The following LIMCH1 variants were observed in gnomAD, a reference collection of about 807,000 sequenced individuals.
The protein encoded by LIMCH1 is LIM and calponin homology domains 1, also known as LIM and calponin homology domains-containing protein 1.
Under a neutral mutation model 176.5 loss-of-function variants are expected in LIMCH1, and 113 were observed. That is an observed-to-expected ratio of 0.64 (90% CI 0.55 to 0.75). The LOEUF (loss-of-function observed/expected upper bound fraction) is 0.75, where lower values mean the gene tolerates loss of function less well. Among genes scored for constraint, LIMCH1 ranks in the 30% least tolerant of loss-of-function variants. The probability of loss-of-function intolerance (pLI) is 0.00; values close to 1 mark genes in which losing one functional copy is unlikely to be tolerated. For missense variants in LIMCH1, 1,674 were observed against 1,814.9 expected, an observed-to-expected ratio of 0.92 and a Z score of 1.41; for synonymous variants, 619 against 645.9, an observed-to-expected ratio of 0.96 and a Z score of 0.63.
At chr4:41,640,619 G>T (rs1017598758) in intron 14 of LIMCH1, among the ~76,000 whole-genome samples, 2 of 152,190 alleles carry the variant, frequency 1.3e-5, no homozygotes, top group Non-Finnish European at 2.9e-5. Flanking sequence ...GCTTAGAGCA[G>T]ATACAATTTA....
chr4:41,587,943 T>C (rs1278683773), intron 1 of LIMCH1, among the ~76,000 whole-genome samples: 2 of 152,160 alleles, frequency 1.3e-5, no homozygotes, highest in Non-Finnish European at 2.9e-5. Flanking sequence ...TTTTGTTTTA[T>C]TATTATTATA....
At chr4:41,687,441 CA>C (rs1310868348) in intron 28 of LIMCH1, among the ~76,000 whole-genome samples, 3 of 152,204 alleles carry the variant, frequency 2.0e-5, no homozygotes, top group Non-Finnish European at 4.4e-5. Flanking sequence ...GATCCCTCCT[CA>C]TCTTTCCCCT....
intron 1 of LIMCH1, among the ~76,000 whole-genome samples, chr4:41,463,845 C>T (rs1308682056): frequency 7.9e-5 from 12 of 152,004 alleles, no homozygotes; most frequent in African/African-American, 2.9e-4. Context: ...TCCCAAAGTG[C>T]TAGGATTACA....
At chr4:41,634,764 T>A in intron 13 of LIMCH1, among the ~76,000 whole-genome samples, 1 of 152,168 alleles carries the variant, frequency 6.6e-6, no homozygotes, top group East Asian at 1.9e-4. Context: ...GTTGAAGGAA[T>A]CTATGTTAGC....
At chr4:41,387,809 T>C (rs2056696717) in intron 1 of LIMCH1, among the ~76,000 whole-genome samples, 1 of 152,248 alleles carries the variant, frequency 6.6e-6, no homozygotes, top group Non-Finnish European at 1.5e-5. Context: ...GATGTGAAGA[T>C]TCTTAAAAAT....
chr4:41,473,226 A>G, intron 1 of LIMCH1: 1 of 977,028 alleles, frequency 1.0e-6, no homozygotes, highest in Non-Finnish European at 1.2e-6. Flanking sequence ...GTTCTTTGAG[A>G]TGTTAGTTCT....
At position 41,679,954 on chromosome 4, in the gene LIMCH1, G is replaced by A. The variant is rs966228888; in HGVS notation, c.3520-52G>A. 4.3e-5 allele frequency: 53 copies of A among 1,245,538 alleles called. No individual in the cohort carries two copies. The East Asian group carries it at 5.8e-4, about 14-fold the overall frequency. The allele number at this position is 1,245,538 out of a possible 1,614,324, so 77.2% of individuals were successfully genotyped here. ...TGGTGGTTTAGGGGGGAAAATTCCCGATGACGTATGCAATGGTCAGTTGAG... is the reference window on the plus strand; with the variant it reads ...TGGTGGTTTAGGGGGGAAAATTCCCAATGACGTATGCAATGGTCAGTTGAG... On this transcript the variant is annotated intron_variant, in intron 23 of 31. Transcript: ENST00000503057.
At chr4:41,538,413 G>C in intron 1 of LIMCH1, 63 bp downstream of exon 1, 52 of 889,758 alleles carry the variant, frequency 5.8e-5, no homozygotes, top group South Asian at 1.0e-4. Context: ...AAAGAAGGAA[G>C]CTATTTAGAC....
chr4:41,480,299 A>G (rs1305579777), intron 1 of LIMCH1, among the ~76,000 whole-genome samples: 1 of 152,184 alleles, frequency 6.6e-6, no homozygotes, highest in Non-Finnish European at 1.5e-5. Flanking sequence ...TGACAGATGG[A>G]CTGATTTGCC....
chr4:41,557,802 C>T (rs1002505549), intron 1 of LIMCH1, among the ~76,000 whole-genome samples: 1 of 152,164 alleles, frequency 6.6e-6, no homozygotes, highest in African/African-American at 2.4e-5. Context: ...CTAAACTACA[C>T]TCTAGTGAAG....
At chr4:41,498,084 G>A (rs1236520766) in intron 2 of LIMCH1, among the ~76,000 whole-genome samples, 3 of 152,144 alleles carry the variant, frequency 2.0e-5, no homozygotes, top group African/African-American at 7.2e-5. Context: ...TTCCACTTGG[G>A]CTAAGAAGGC....
chr4:41,614,379 T>C (rs2091827287), intron 5 of LIMCH1, among the ~76,000 whole-genome samples: 1 of 152,242 alleles, frequency 6.6e-6, no homozygotes, highest in Non-Finnish European at 1.5e-5. Flanking sequence ...GTCTTACTTA[T>C]CTTGTACCTT....
At position 41,581,108 on chromosome 4, in the gene LIMCH1, G is replaced by GTCTA. The variant is rs1329265925; in HGVS notation, c.-240-17809_-240-17808insATCT. On this transcript the variant is annotated intron_variant, in intron 1 of 31. Transcript: ENST00000503057. Reference sequence around the variant, plus strand: ...TGTCTGTCTGTCCATTCATCTGTCTGTCTGTCTATCTATCTATCTATCTAT... The same window carrying GTCTA: ...TGTCTGTCTGTCCATTCATCTGTCTGTCTATCTGTCTATCTATCTATCTATCTAT... Among the ~76,000 whole-genome samples, 1,230 of 128,782 alleles carry GTCTA rather than the reference G, an allele frequency of 9.6e-3. 18 individuals carry two copies. Among genetic ancestry groups the GTCTA allele is most frequent in the African/African-American group, 0.038 (1,084 of 28,458 alleles). The allele number at this position is 128,782 out of a possible 152,430, so 84.5% of individuals were successfully genotyped here. A position where few individuals can be genotyped will look rare whatever the true frequency, so the allele number is the denominator to read the frequency against.
intron 25 of LIMCH1, 109 bp downstream of exon 25, chr4:41,681,168 A>G (rs755389506): frequency 8.1e-6 from 5 of 616,476 alleles, no homozygotes; most frequent in Non-Finnish European, 1.5e-5. Flanking sequence ...ATCCAAGACT[A>G]GCTATTCCCC....
At position 41,568,981 on chromosome 4, in the gene LIMCH1, C is replaced by T. The variant is rs140483098; in HGVS notation, c.-240-29939C>T. ...AATGAAAATATGCACAGAATGTAAT[C>T]AAGAAATGTCTCATATAATTAAAAA... On this transcript the variant is annotated intron_variant, in intron 1 of 31. Transcript: ENST00000503057. Among the ~76,000 whole-genome samples the T allele has an allele frequency of 6.2e-3, 939 of 151,840 alleles. 5 individuals carry two copies. Among genetic ancestry groups the T allele is most frequent in the African/African-American group, 0.021 (859 of 41,246 alleles).
At chr4:41,406,916 T>C (rs1196774361) in intron 1 of LIMCH1, among the ~76,000 whole-genome samples, 1 of 152,092 alleles carries the variant, frequency 6.6e-6, no homozygotes, top group Non-Finnish European at 1.5e-5. Context: ...TGATTAAGAG[T>C]TGATCACATT....
chr4:41,521,094 T>TG (rs754482077), intron 2 of LIMCH1, among the ~76,000 whole-genome samples: 1 of 152,224 alleles, frequency 6.6e-6, no homozygotes, highest in Non-Finnish European at 1.5e-5. Context: ...TCCCACCTGG[T>TG]GTTGATATTA....
Position 41,692,382 on chromosome 4 carries a change from G to A in LIMCH1, c.4376G>A (p.Arg1459Lys). The change falls in exon 31 of 32, where the codon AGA becomes AAA. Residue 1459 changes from arginine to lysine, a missense_variant and splice_region_variant. Arg to Lys is a conservative substitution (Grantham distance 26, BLOSUM62 2). Coordinates refer to ENST00000503057, the MANE Select transcript of LIMCH1 (RefSeq NM_001330672.2). The part of the protein sequence containing the change: ...LNCNDCYMRS[R>K]SAGQPTTL ...TGTAATGATTGCTACATGCGATCCAGAAGTAAGTACTGGGGAGAATGCCTC... is the reference window on the plus strand; with the variant it reads ...TGTAATGATTGCTACATGCGATCCAAAAGTAAGTACTGGGGAGAATGCCTC... 1 of 1,594,140 alleles carries A rather than the reference G, an allele frequency of 6.3e-7. No individual in the cohort carries two copies. The highest frequency in any genetic ancestry group is 8.6e-7 in the Non-Finnish European group (1 of 1,161,874).
chr4:41,461,565 GT>G (rs1192444570), intron 1 of LIMCH1, among the ~76,000 whole-genome samples: 1 of 152,162 alleles, frequency 6.6e-6, no homozygotes, highest in Non-Finnish European at 1.5e-5. Context: ...CGAGTACAGT[GT>G]TAGCTTACTG....
Sources: gnomAD v4.1 joint callset for allele counts (sites outside exome capture counted in the v4.1 genomes callset) on GRCh38, gnomAD v4.1.1 for gene constraint, MANE v1.5 for transcripts, NCBI Gene and HGNC (gene_info 2026-07-23, HGNC 2026-07-21) for gene names.